The following KIAA1217 variants were observed in gnomAD, a reference collection of about 807,000 sequenced individuals.
KIAA1217 encodes sickle tail protein homolog.
In KIAA1217, 88 loss-of-function variants were observed where a neutral mutation model predicts 163.9. That is an observed-to-expected ratio of 0.54 (90% CI 0.45 to 0.64). The LOEUF (loss-of-function observed/expected upper bound fraction) is 0.64. Ranked by LOEUF, KIAA1217 falls within the 30% of genes least tolerant of loss-of-function variation. KIAA1217 has a pLI of 0.00. For missense variants in KIAA1217, 2,372 were observed against 2,475.0 expected, an observed-to-expected ratio of 0.96 and a Z score of 0.88; for synonymous variants, 903 against 923.1, an observed-to-expected ratio of 0.98 and a Z score of 0.39.
intron 1 of KIAA1217, among the ~76,000 whole-genome samples, chr10:23,790,934 C>T (rs11595975): frequency 6.6e-6 from 1 of 151,706 alleles, no homozygotes; most frequent in Non-Finnish European, 1.5e-5. Flanking sequence ...CAGGGTTTTG[C>T]CACGTTGCCA....
chr10:23,699,178 G>A (rs950461401), intron 1 of KIAA1217, among the ~76,000 whole-genome samples: 1 of 152,234 alleles, frequency 6.6e-6, no homozygotes, highest in Non-Finnish European at 1.5e-5. Context: ...GGGCAGCAAA[G>A]GACTTGGTTG....
At chr10:24,387,872 G>T (rs1473506447) in intron 3 of KIAA1217, among the ~76,000 whole-genome samples, 1 of 151,638 alleles carries the variant, frequency 6.6e-6, no homozygotes, top group Non-Finnish European at 1.5e-5. Flanking sequence ...TCTTCAAGGA[G>T]AACTACAAAC....
chr10:23,731,094 A>G (rs546238940), intron 1 of KIAA1217, among the ~76,000 whole-genome samples: 2 of 152,240 alleles, frequency 1.3e-5, no homozygotes, highest in South Asian at 4.1e-4. Context: ...TAATTTGGGA[A>G]GGAGAGCTTT....
At position 24,088,864 on chromosome 10, in the gene KIAA1217, C is replaced by T. The variant is rs559870214; in HGVS notation, c.-171+81490C>T. Among the ~76,000 whole-genome samples, 32 of 124,702 alleles carry T rather than the reference C, an allele frequency of 2.6e-4. 2 individuals carry two copies. The East Asian group carries it at 2.9e-3, about 11-fold the overall frequency. 81.8% of individuals were successfully genotyped at this position (124,702 alleles called of 152,430 possible). ...TTCCAGTTCTAGATCCCTGAGGAAT[C>T]GCCACACTGACTTCCACAATGGTTG... is the stretch of plus-strand genomic sequence containing the variant. On this transcript the variant is annotated intron_variant, in intron 2 of 18. Transcript: ENST00000376462.
At chr10:24,354,031 T>C (rs1295424284) in intron 2 of KIAA1217, among the ~76,000 whole-genome samples, 2 of 152,226 alleles carry the variant, frequency 1.3e-5, no homozygotes, top group African/African-American at 4.8e-5. Context: ...TCAAATACAA[T>C]GTTAAAAATA....
chr10:24,214,898 G>A (rs1413414784), intron 1 of KIAA1217, among the ~76,000 whole-genome samples: 1 of 152,178 alleles, frequency 6.6e-6, no homozygotes, highest in Non-Finnish European at 1.5e-5. Context: ...CCTGAGTGGT[G>A]CAAGGCCCCA....
At chr10:24,369,772 A>G (rs954228008) in intron 2 of KIAA1217, among the ~76,000 whole-genome samples, 12 of 152,178 alleles carry the variant, frequency 7.9e-5, no homozygotes, top group South Asian at 2.1e-4. Flanking sequence ...CTTTTATCCT[A>G]TAGCCTTTTA....
At chr10:24,390,003 C>G (rs186591697) in intron 3 of KIAA1217, among the ~76,000 whole-genome samples, 14 of 152,090 alleles carry the variant, frequency 9.2e-5, no homozygotes, top group Non-Finnish European at 1.3e-4. Flanking sequence ...TCACACCTGA[C>G]CAGAGTTTAA....
chr10:23,884,173 A>G (rs1841074322), intron 1 of KIAA1217, among the ~76,000 whole-genome samples: 1 of 151,910 alleles, frequency 6.6e-6, no homozygotes, highest in Non-Finnish European at 1.5e-5. Context: ...TTAGTGCTGT[A>G]AGAAACTACC....
At chr10:24,130,797 C>G (rs920457164) in intron 2 of KIAA1217, among the ~76,000 whole-genome samples, 1 of 152,162 alleles carries the variant, frequency 6.6e-6, no homozygotes, top group Non-Finnish European at 1.5e-5. Context: ...TCGTCACCAT[C>G]ATTAACTTTT....
At chr10:24,057,709 C>T (rs1186087743) in intron 2 of KIAA1217, among the ~76,000 whole-genome samples, 4 of 152,122 alleles carry the variant, frequency 2.6e-5, no homozygotes, top group Non-Finnish European at 5.9e-5. Context: ...CCTTCGGAGT[C>T]GTGTCTATTC....
intron 2 of KIAA1217, among the ~76,000 whole-genome samples, chr10:24,044,151 A>G (rs1195253446): frequency 6.6e-6 from 1 of 152,100 alleles, no homozygotes; most frequent in East Asian, 1.9e-4. Flanking sequence ...TTTATTCTTT[A>G]ATCAGTATTT....
At chr10:24,066,624 G>C (rs1184852567) in intron 2 of KIAA1217, among the ~76,000 whole-genome samples, 2 of 152,032 alleles carry the variant, frequency 1.3e-5, no homozygotes, top group Non-Finnish European at 2.9e-5. Flanking sequence ...ATGTGTCTTG[G>C]AGTTGCTCTT....
At chr10:24,479,574 GC>G (rs1409518743) in intron 6 of KIAA1217, among the ~76,000 whole-genome samples, 1 of 152,128 alleles carries the variant, frequency 6.6e-6, no homozygotes, top group Non-Finnish European at 1.5e-5. Context: ...GCTGTAGGGG[GC>G]TGTCCTGTGC....
intron 2 of KIAA1217, among the ~76,000 whole-genome samples, chr10:24,122,564 C>G (rs974119444): frequency 6.6e-6 from 1 of 152,080 alleles, no homozygotes; most frequent in African/African-American, 2.4e-5. Flanking sequence ...GACAGAAAAA[C>G]CAAATTCAGA....
chr10:24,404,056 C>T (rs1300964979), intron 3 of KIAA1217, among the ~76,000 whole-genome samples: 1 of 152,160 alleles, frequency 6.6e-6, no homozygotes, highest in Non-Finnish European at 1.5e-5. Context: ...CTCCCAGGCT[C>T]AGGTGATCCT....
chr10:24,324,567 A>AAAAC (rs765409881), intron 2 of KIAA1217, among the ~76,000 whole-genome samples: 14 of 152,166 alleles, frequency 9.2e-5, no homozygotes, highest in South Asian at 2.1e-4. Context: ...ACTTCATATC[A>AAAAC]AAACAAACAA....
intron 9 of KIAA1217, among the ~76,000 whole-genome samples, chr10:24,502,617 G>T (rs935232341): frequency 9.2e-5 from 14 of 152,178 alleles, no homozygotes; most frequent in Admixed American, 2.0e-4. Flanking sequence ...TGGCTGGTAG[G>T]TTGGTCGTTG....
intron 1 of KIAA1217, among the ~76,000 whole-genome samples, chr10:23,927,359 T>TGTGTGTGTGC (rs71281597): frequency 7.3e-5 from 11 of 151,344 alleles, no homozygotes; most frequent in African/African-American, 2.4e-4. Flanking sequence ...TGTGTGTGTG[T>TGTGTGTGTGC]GGCCAAATGT....
Sources: gnomAD v4.1 joint callset for allele counts (sites outside exome capture counted in the v4.1 genomes callset) on GRCh38, gnomAD v4.1.1 for gene constraint, MANE v1.5 for transcripts, NCBI Gene and HGNC (gene_info 2026-07-23, HGNC 2026-07-21) for gene names.